The following DDX21 variants were observed in gnomAD, a reference collection of about 807,000 sequenced individuals.
DDX21 encodes the protein DExD-box helicase 21, also known as nucleolar RNA helicase 2.
In DDX21, 18 loss-of-function variants were observed where a neutral mutation model predicts 90.0. The ratio of observed to expected loss-of-function variants is 0.20; its 90% CI spans 0.14 to 0.30. DDX21 has a LOEUF of 0.30. DDX21 is among the 10% of genes least tolerant of loss of function. The pLI is 1.00. For synonymous variants in DDX21, 294 were observed against 318.0 expected (o/e 0.92, Z 0.80); for missense variants, 673 against 944.5 (o/e 0.71, Z 3.77).
In DDX21 at chr10:68,978,916, G is replaced by A; in HGVS notation, c.1977G>A (p.Glu659=). 6.2e-7 allele frequency: 1 copy of A among 1,614,212 alleles called. No homozygotes were observed. ...GTTATGCTTGGAAAGAACTTAAAGA[G>A]CAGCTGGGCGAGGAGATTGATTCCA... ...NISYAWKELK[E]QLGEEIDSKV... The change falls in exon 13 of 15, where the codon GAG becomes GAA. Residue 659 remains glutamate (E), a synonymous_variant. Coordinates refer to ENST00000354185, the MANE Select transcript of DDX21 (RefSeq NM_004728.4).
At chr10:68,972,223 C>G (rs1843036586) in intron 9 of DDX21, among the ~76,000 whole-genome samples, 171 bp downstream of exon 9, 1 of 152,144 alleles carries the variant, frequency 6.6e-6, no homozygotes, top group Admixed American at 6.5e-5. Flanking sequence ...CCCCTCAGAA[C>G]TGACACTTGA....
chr10:68,959,357 G>C (rs1842841912), intron 1 of DDX21, among the ~76,000 whole-genome samples: 1 of 152,076 alleles, frequency 6.6e-6, no homozygotes, highest in South Asian at 2.1e-4. Context: ...CGCTGGGTGT[G>C]GTGGTGGGCG....
intron 12 of DDX21, 109 bp downstream of exon 12, chr10:68,977,797 T>A: frequency 8.2e-7 from 1 of 1,223,668 alleles, no homozygotes; most frequent in Non-Finnish European, 1.1e-6. Context: ...ATGAAGTTAG[T>A]AAAGTATTAA....
intron 4 of DDX21, chr10:68,964,268 C>G (rs575918386): frequency 3.7e-6 from 1 of 268,514 alleles, no homozygotes; most frequent in Non-Finnish European, 7.6e-6. Flanking sequence ...CATGTAGTCA[C>G]TTTGGCTGTG....
intron 1 of DDX21, chr10:68,956,608 G>A (rs1479444893): frequency 1.3e-5 from 16 of 1,230,610 alleles, no homozygotes; most frequent in Non-Finnish European, 1.6e-5. Flanking sequence ...GGAGAGGGCC[G>A]GGTGTCCCAC....
chr10:68,970,451 C>A, intron 8 of DDX21, 101 bp downstream of exon 8: 1 of 1,167,256 alleles, frequency 8.6e-7, no homozygotes, highest in Non-Finnish European at 1.2e-6. Flanking sequence ...CAGTGAATAC[C>A]AGTTTAGTTT....
chr10:68,979,479 A>G (rs79202414), intron 13 of DDX21, among the ~76,000 whole-genome samples: 9,186 of 152,250 alleles, frequency 0.06, 325 homozygotes, highest in Middle Eastern at 0.11. Flanking sequence ...GGTTATATCT[A>G]TTGATACTTA....
At chr10:68,966,298 A>G (rs894345807) in intron 5 of DDX21, among the ~76,000 whole-genome samples, 9 of 151,148 alleles carry the variant, frequency 6.0e-5, no homozygotes, top group Non-Finnish European at 1.3e-4. Context: ...GCTGATCTCG[A>G]ACTCCTGACC....
chr10:68,969,556 G>A (rs146098772), intron 7 of DDX21, among the ~76,000 whole-genome samples: 1 of 152,330 alleles, frequency 6.6e-6, no homozygotes, highest in African/African-American at 2.4e-5. Flanking sequence ...GGGATTACAG[G>A]TGTGAGCCAC....
At chr10:68,962,720 C>G (rs1186453671) in intron 3 of DDX21, among the ~76,000 whole-genome samples, 1 of 152,152 alleles carries the variant, frequency 6.6e-6, no homozygotes, top group Non-Finnish European at 1.5e-5. Flanking sequence ...TTATCTCTTT[C>G]ACTTCTGAGG....
rs745683710 is a variant in DDX21 at position 68,981,516 on chromosome 10, TC to T, written c.2038-19del. The T allele has an allele frequency of 6.2e-7, 1 of 1,610,868 alleles. No homozygotes were observed. The highest frequency in any genetic ancestry group is 8.5e-7 in the Non-Finnish European group (1 of 1,177,962). Reference sequence around the variant, plus strand: ...TTCATGTGCGTTGGTTGGATTAACTTCCATTTGCTTTGATTTCTAGGGTGTT... The same window carrying T: ...TTCATGTGCGTTGGTTGGATTAACTTCATTTGCTTTGATTTCTAGGGTGTT... On this transcript the variant is annotated intron_variant, in intron 13 of 14. Coordinates refer to ENST00000354185, the MANE Select transcript of DDX21 (RefSeq NM_004728.4).
chr10:68,974,310 C>T (rs953546400), intron 10 of DDX21, among the ~76,000 whole-genome samples: 4 of 152,154 alleles, frequency 2.6e-5, no homozygotes, highest in African/African-American at 9.7e-5. Flanking sequence ...AAGACAACCT[C>T]AAACTGAGGG....
Position 68,959,824 on chromosome 10 carries a change from C to T in DDX21, c.106C>T (p.Pro36Ser), listed in dbSNP as rs1842849461. ...QTEEKEKKEK[P>S]KSDKTEEIAE... is the part of the protein sequence containing the mutation. ...TTTTTAGAAAGAGAAAAAAGAGAAG[C>T]CAAAATCTGATAAGACTGAAGAGAT... is the stretch of plus-strand genomic sequence containing the variant. Residue 36 changes from proline to serine, a missense_variant, in exon 2 of 15, where the codon CCA (proline) becomes TCA (serine). Coordinates refer to ENST00000354185, the MANE Select transcript of DDX21 (RefSeq NM_004728.4). The T allele has an allele frequency of 6.5e-7, 1 of 1,536,024 alleles. No individual in the cohort carries two copies. The highest frequency in any genetic ancestry group is 1.4e-5 in the African/African-American group (1 of 71,078).
chr10:68,978,935 G>C lies in DDX21; in HGVS notation c.1996G>C (p.Asp666His). 1 of 1,614,208 alleles carries C rather than the reference G, an allele frequency of 6.2e-7. No individual in the cohort carries two copies. ...TAAAGAGCAGCTGGGCGAGGAGATT[G>C]ATTCCAAAGTGAAGGGAATGGTTTT... ...ELKEQLGEEI[D>H]SKVKGMVFLK... is the part of the protein sequence containing the mutation. The change falls in exon 13 of 15, where the codon GAT becomes CAT. Residue 666 changes from aspartate to histidine, a missense_variant. Transcript: ENST00000354185.
intron 1 of DDX21, chr10:68,956,626 C>T (rs1026479101): frequency 7.5e-6 from 9 of 1,198,478 alleles, no homozygotes; most frequent in Admixed American, 7.2e-5. Context: ...CACGTGGTCC[C>T]CGGCGACTTG....
At chr10:68,956,651 A>T in intron 1 of DDX21, 2 of 1,151,366 alleles carry the variant, frequency 1.7e-6, no homozygotes, top group Non-Finnish European at 2.2e-6. Flanking sequence ...CGCCTCACAC[A>T]GTGCGCAGAG....
intron 12 of DDX21, 105 bp from the exon 13 acceptor site, chr10:68,978,737 T>C: frequency 1.4e-6 from 2 of 1,437,150 alleles, no homozygotes; most frequent in Non-Finnish European, 1.9e-6. Context: ...TGTATGTTTT[T>C]AGGAATAACT....
intron 11 of DDX21, among the ~76,000 whole-genome samples, chr10:68,975,453 C>T (rs930317935): frequency 6.6e-6 from 1 of 152,176 alleles, no homozygotes; most frequent in African/African-American, 2.4e-5. Flanking sequence ...AACCAGAAAC[C>T]ATTTTCCAGA....
Position 68,982,845 on chromosome 10 carries a change from A to G in DDX21, c.*33A>G, listed in dbSNP as rs779411288. ...TAGAAGATTTATATAGCAAAAAGAGAATGATGTTTGGCAATATAGAACTGA... is the reference window on the plus strand; with the variant it reads ...TAGAAGATTTATATAGCAAAAAGAGGATGATGTTTGGCAATATAGAACTGA... On this transcript the variant is annotated 3_prime_UTR_variant, in exon 15 of 15. Transcript: ENST00000354185. The G allele has an allele frequency of 1.9e-5, 31 of 1,608,582 alleles. No individual in the cohort carries two copies. Among genetic ancestry groups the G allele is most frequent in the Admixed American group, 1.2e-4 (7 of 59,564 alleles).
Sources: gnomAD v4.1 joint callset for allele counts (sites outside exome capture counted in the v4.1 genomes callset) on GRCh38, gnomAD v4.1.1 for gene constraint, MANE v1.5 for transcripts, NCBI Gene and HGNC (gene_info 2026-07-23, HGNC 2026-07-21) for gene names.